Variants in ARHGAP15 observed in about 807,000 individuals in gnomAD.
ARHGAP15 encodes Rho GTPase activating protein 15, also known as rho GTPase-activating protein 15.
ARHGAP15 carries 51 observed loss-of-function variants against 63.7 expected under a neutral mutation model. The ratio of observed to expected loss-of-function variants is 0.80; its 90% CI spans 0.64 to 1.01. ARHGAP15 has a LOEUF of 1.01. Among genes scored for constraint, ARHGAP15 ranks in the 50% least tolerant of loss-of-function variants. ARHGAP15 has a pLI of 0.00. For synonymous variants in ARHGAP15, 191 were observed against 193.8 expected, an observed-to-expected ratio of 0.99 and a Z score of 0.12; for missense variants, 560 against 564.6, an observed-to-expected ratio of 0.99 and a Z score of 0.08.
intron 6 of ARHGAP15, among the ~76,000 whole-genome samples, chr2:143,431,828 CCTCT>C (rs1358412485): frequency 6.6e-6 from 1 of 151,854 alleles, no homozygotes; most frequent in African/African-American, 2.4e-5. Flanking sequence ...ATGAACGCAT[CCTCT>C]CTATTCTTCT....
At chr2:143,655,510 A>G (rs942389902) in intron 12 of ARHGAP15, among the ~76,000 whole-genome samples, 3 of 152,180 alleles carry the variant, frequency 2.0e-5, no homozygotes, top group Non-Finnish European at 4.4e-5. Flanking sequence ...TGTTTTAAGT[A>G]TTAATATCTT....
chr2:143,237,450 C>T (rs758838054), intron 5 of ARHGAP15: 16 of 152,138 alleles, frequency 1.1e-4, no homozygotes, highest in Non-Finnish European at 2.2e-4. Context: ...TTTCTAAAGA[C>T]GTTCTAGTGC....
chr2:143,654,145 T>C (rs77752760), intron 12 of ARHGAP15, among the ~76,000 whole-genome samples: 1,588 of 152,200 alleles, frequency 0.01, 14 homozygotes, highest in South Asian at 0.023. Flanking sequence ...CAGTAGAGAA[T>C]AGGGGTATTA....
intron 6 of ARHGAP15, among the ~76,000 whole-genome samples, chr2:143,353,621 C>T (rs1015960965): frequency 7.9e-5 from 12 of 152,092 alleles, no homozygotes; most frequent in Non-Finnish European, 1.2e-4. Context: ...ACAGAAATAA[C>T]GCCTATCATT....
At chr2:143,688,925 A>G (rs1409149847) in intron 12 of ARHGAP15, among the ~76,000 whole-genome samples, 1 of 152,098 alleles carries the variant, frequency 6.6e-6, no homozygotes, top group Non-Finnish European at 1.5e-5. Context: ...ATAGTATACC[A>G]CCTCGATAAT....
At chr2:143,432,997 A>G (rs1689454341) in intron 6 of ARHGAP15, among the ~76,000 whole-genome samples, 1 of 152,062 alleles carries the variant, frequency 6.6e-6, no homozygotes. Context: ...ACGGCTTAAT[A>G]TCAAAGCCTT....
Position 143,483,442 on chromosome 2 carries a change from G to C in ARHGAP15, c.704-3931G>C, listed in dbSNP as rs556471986. 2.0e-5 allele frequency among the ~76,000 whole-genome samples: 3 copies of C among 152,282 alleles called. No homozygotes were observed. In the South Asian group the frequency reaches 6.2e-4, roughly 32 times the overall value. ...GGTATTCTATCATGGGAAATGGCAA[G>C]GTTTTTGAGGTGAGACCAGAAATCG... On this transcript the variant is annotated intron_variant, in intron 8 of 13. Transcript: ENST00000295095.
Position 143,131,372 on chromosome 2 carries a change from A to G in ARHGAP15, c.-15+1906A>G, listed in dbSNP as rs906929643. Among the ~76,000 whole-genome samples the G allele has an allele frequency of 1.3e-5, 2 of 152,258 alleles. 1 individual carries two copies. The highest frequency in any genetic ancestry group is 2.9e-5 in the Non-Finnish European group (2 of 68,042). ...AACAAGTTTTGATGAAATGAAAATAATACGGAAGATTTTATTTGGAAAGTC... is the reference window on the plus strand; with the variant it reads ...AACAAGTTTTGATGAAATGAAAATAGTACGGAAGATTTTATTTGGAAAGTC... On this transcript the variant is annotated intron_variant, in intron 1 of 13. Coordinates refer to ENST00000295095, the MANE Select transcript of ARHGAP15 (RefSeq NM_018460.4).
intron 11 of ARHGAP15, among the ~76,000 whole-genome samples, chr2:143,599,945 C>A (rs1399512989): frequency 6.6e-6 from 1 of 152,050 alleles, no homozygotes; most frequent in Non-Finnish European, 1.5e-5. Context: ...ATTCCAAATG[C>A]CCCCCTAAAA....
At chr2:143,754,130 G>A (rs1319731824) in intron 13 of ARHGAP15, among the ~76,000 whole-genome samples, 1 of 151,948 alleles carries the variant, frequency 6.6e-6, no homozygotes, top group Non-Finnish European at 1.5e-5. Context: ...ATTTTTTCTG[G>A]TGATGTTGTT....
At chr2:143,664,924 A>T (rs1397816385) in intron 12 of ARHGAP15, among the ~76,000 whole-genome samples, 4 of 151,786 alleles carry the variant, frequency 2.6e-5, no homozygotes, top group Non-Finnish European at 1.5e-5. Flanking sequence ...GGCAATAATC[A>T]ATAGTTTACC....
intron 11 of ARHGAP15, among the ~76,000 whole-genome samples, chr2:143,619,077 T>C (rs1336479638): frequency 1.3e-5 from 2 of 152,052 alleles, no homozygotes; most frequent in Non-Finnish European, 2.9e-5. Flanking sequence ...CCTCCCAAAG[T>C]GCTGGTATTA....
chr2:143,558,613 A>T (rs1219719126), intron 11 of ARHGAP15, among the ~76,000 whole-genome samples: 1 of 152,198 alleles, frequency 6.6e-6, no homozygotes, highest in Non-Finnish European at 1.5e-5. Flanking sequence ...ACAAATCTCT[A>T]AAAAGGTAGG....
rs1413901941 is a variant in ARHGAP15, at chr2:143,606,071, GC to G, written c.1004-18060del. 4.5e-5 allele frequency among the ~76,000 whole-genome samples: 3 copies of G among 66,040 alleles called. No homozygotes were observed. The Admixed American group carries it at 7.3e-4, about 16-fold the overall frequency. 43.3% of individuals were successfully genotyped at this position (66,040 alleles called of 152,430 possible). A position where few individuals can be genotyped will look rare whatever the true frequency, so the allele number is the denominator to read the frequency against. On this transcript the variant is annotated intron_variant, in intron 11 of 13. Coordinates refer to ENST00000295095, the MANE Select transcript of ARHGAP15 (RefSeq NM_018460.4). ...AAAAAAAAAAAAAAAAAAAAAAAAA[GC>G]CATACATCTGTCTCTTTCGCTACCT...
chr2:143,445,150 A>ATTTTTTTT (rs1347400449), intron 8 of ARHGAP15, among the ~76,000 whole-genome samples: 1 of 71,338 alleles, frequency 1.4e-5, no homozygotes, highest in African/African-American at 5.9e-5. Flanking sequence ...ATTAAGAACA[A>ATTTTTTTT]TTATTTTTTT....
At chr2:143,213,181 T>C (rs2105137342) in intron 3 of ARHGAP15, among the ~76,000 whole-genome samples, 1 of 152,250 alleles carries the variant, frequency 6.6e-6, no homozygotes, top group Admixed American at 6.5e-5. Context: ...ATTAAAAATG[T>C]GTTGAAAAGA....
intron 11 of ARHGAP15, among the ~76,000 whole-genome samples, chr2:143,577,807 C>T (rs1467262786): frequency 6.6e-6 from 1 of 152,136 alleles, no homozygotes; most frequent in Non-Finnish European, 1.5e-5. Flanking sequence ...GGGAGATTCC[C>T]ATCCAGAATT....
intron 12 of ARHGAP15, among the ~76,000 whole-genome samples, chr2:143,677,512 C>T (rs1169322602): frequency 6.6e-6 from 1 of 152,194 alleles, no homozygotes; most frequent in Non-Finnish European, 1.5e-5. Flanking sequence ...TATCACCCCT[C>T]CTAGTTGGTG....
intron 12 of ARHGAP15, among the ~76,000 whole-genome samples, chr2:143,693,185 G>A (rs1193132838): frequency 1.3e-5 from 2 of 152,110 alleles, no homozygotes; most frequent in African/African-American, 2.4e-5. Flanking sequence ...CAAGAGAGTC[G>A]AAGCAATATT....
Sources: gnomAD v4.1 joint callset for allele counts (sites outside exome capture counted in the v4.1 genomes callset) on GRCh38, gnomAD v4.1.1 for gene constraint, MANE v1.5 for transcripts, NCBI Gene and HGNC (gene_info 2026-07-23, HGNC 2026-07-21) for gene names.